The following MYO1B variants were observed in gnomAD, a reference collection of about 807,000 sequenced individuals.
MYO1B encodes the protein myosin IB.
Under a neutral mutation model 159.7 loss-of-function variants are expected in MYO1B, and 72 were observed. That is an observed-to-expected ratio of 0.45 (90% CI 0.37 to 0.55). The LOEUF (loss-of-function observed/expected upper bound fraction) is 0.55, where lower values mean the gene tolerates loss of function less well. MYO1B is among the 20% of genes least tolerant of loss of function. The probability of loss-of-function intolerance (pLI) is 0.00; values close to 1 mark genes in which losing one functional copy is unlikely to be tolerated. For synonymous variants in MYO1B, 468 were observed against 473.8 expected (o/e 0.99, Z 0.16); for missense variants, 1,062 against 1,364.8 (o/e 0.78, Z 3.50).
chr2:191,305,058 A>G (rs899073471), intron 3 of MYO1B, among the ~76,000 whole-genome samples: 1 of 152,228 alleles, frequency 6.6e-6, no homozygotes, highest in Non-Finnish European at 1.5e-5. Flanking sequence ...TTTCATCTGG[A>G]GAAGCAGCAC....
Position 191,251,679 on chromosome 2 carries a change from TA to T in MYO1B, c.-10+6060del, listed in dbSNP as rs529526553. ...TACATTACAGGTTTTTAAATTTGTT[TA>T]AAAAAAGAATGCAATATCTTTAAAG... On this transcript the variant is annotated intron_variant, in intron 1 of 30. Transcript: ENST00000392318. 2.8e-3 allele frequency among the ~76,000 whole-genome samples: 431 copies of T among 152,308 alleles called. 1 individual carries two copies. Among genetic ancestry groups the T allele is most frequent in the Non-Finnish European group, 5.0e-3 (339 of 68,032 alleles).
chr2:191,288,148 A>C (rs1180469667), intron 2 of MYO1B, among the ~76,000 whole-genome samples: 1 of 152,066 alleles, frequency 6.6e-6, no homozygotes, highest in Non-Finnish European at 1.5e-5. Flanking sequence ...GGGTATAGTG[A>C]ATAATGCTGC....
chr2:191,302,227 T>C (rs1973068), intron 3 of MYO1B, among the ~76,000 whole-genome samples: 80,500 of 152,036 alleles, frequency 0.53, 22,065 homozygotes, highest in East Asian at 0.65. Context: ...CACCTCTTCT[T>C]GCTATGGTTG....
At chr2:191,363,896 CTTTG>C (rs759483104) in intron 10 of MYO1B, 21 bp downstream of exon 10, 16 of 1,612,962 alleles carry the variant, frequency 9.9e-6, no homozygotes, top group African/African-American at 5.3e-5. Flanking sequence ...GGAGAATCAA[CTTTG>C]TTTGTTTAGG....
chr2:191,313,464 A>G (rs943131615), intron 3 of MYO1B, among the ~76,000 whole-genome samples: 2 of 151,950 alleles, frequency 1.3e-5, no homozygotes, highest in Non-Finnish European at 2.9e-5. Context: ...GGCTCACTGC[A>G]AGCTCCGCCT....
chr2:191,405,842 A>G (rs1258770116), intron 24 of MYO1B, among the ~76,000 whole-genome samples: 1 of 152,272 alleles, frequency 6.6e-6, no homozygotes, highest in East Asian at 1.9e-4. Flanking sequence ...CCTAAGCTGT[A>G]GGATTTTTAT....
At chr2:191,301,498 A>C (rs1400992859) in intron 3 of MYO1B, among the ~76,000 whole-genome samples, 1 of 152,230 alleles carries the variant, frequency 6.6e-6, no homozygotes, top group Non-Finnish European at 1.5e-5. Context: ...CTCCAAATGC[A>C]GTCAAAATGC....
intron 30 of MYO1B, among the ~76,000 whole-genome samples, chr2:191,419,103 G>A (rs778131810): frequency 6.6e-6 from 1 of 152,180 alleles, no homozygotes; most frequent in African/African-American, 2.4e-5. Context: ...GCTGCTGCTG[G>A]TGTAAACAAA....
chr2:191,390,618 C>T, intron 18 of MYO1B, 126 bp downstream of exon 18: 1 of 1,112,674 alleles, frequency 9.0e-7, no homozygotes, highest in Non-Finnish European at 1.2e-6. Flanking sequence ...CTGTTTTGGA[C>T]CTTCTTCCAT....
In MYO1B at chr2:191,346,253, A is replaced by T; in HGVS notation, c.469A>T (p.Thr157Ser). Residue 157 changes from threonine (T) to serine (S), a missense_variant, in exon 6 of 31, where the codon ACT becomes TCT. Transcript: ENST00000392318. ...PVLEAFGNAK[T>S]VRNDNSSRFG... ...CCTACTAGCTTTTGGAAATGCCAAA[A>T]CTGTAAGGAATGACAACTCCTCTAG... 1 of 1,571,892 alleles carries T rather than the reference A, an allele frequency of 6.4e-7. No homozygotes were observed. Among genetic ancestry groups the T allele is most frequent in the Non-Finnish European group, 8.6e-7 (1 of 1,157,686 alleles).
At chr2:191,400,519 G>T in intron 22 of MYO1B, 51 bp downstream of exon 22, 1 of 1,584,650 alleles carries the variant, frequency 6.3e-7, no homozygotes, top group Non-Finnish European at 8.7e-7. Context: ...ACGTCATGTG[G>T]AACCATGAAC....
chr2:191,395,435 G>A (rs1411755080), intron 20 of MYO1B, among the ~76,000 whole-genome samples: 1 of 152,188 alleles, frequency 6.6e-6, no homozygotes, highest in Non-Finnish European at 1.5e-5. Context: ...TGGTAGCCTG[G>A]GAAGGCATCT....
chr2:191,336,005 A>G lies in MYO1B; in HGVS notation c.347-5456A>G, dbSNP rs527507707. Reference sequence around the variant, plus strand: ...ATGTATTTTTAGGCATTGAACTCACAACTCACTCCCATGAATACAGATGGT... The same window carrying G: ...ATGTATTTTTAGGCATTGAACTCACGACTCACTCCCATGAATACAGATGGT... On this transcript the variant is annotated intron_variant, in intron 4 of 30. Coordinates refer to ENST00000392318, the MANE Select transcript of MYO1B (RefSeq NM_001130158.3). Among the ~76,000 whole-genome samples the G allele has an allele frequency of 3.3e-5, 5 of 152,284 alleles. No homozygotes were observed. The South Asian group carries it at 1.0e-3, about 32-fold the overall frequency.
intron 2 of MYO1B, among the ~76,000 whole-genome samples, chr2:191,282,284 T>C (rs1471802979): frequency 2.6e-5 from 4 of 152,218 alleles, no homozygotes; most frequent in African/African-American, 9.6e-5. Flanking sequence ...GGGGCCTGGC[T>C]TAGCTGAGTC....
At chr2:191,315,189 ATCCACCCATCCATCTT>A (rs1382107764) in intron 3 of MYO1B, among the ~76,000 whole-genome samples, 2 of 151,618 alleles carry the variant, frequency 1.3e-5, no homozygotes, top group Non-Finnish European at 2.9e-5. Flanking sequence ...CCATCCATCC[ATCCACCCATCCATCTT>A]CCCATCCATC....
intron 5 of MYO1B, among the ~76,000 whole-genome samples, chr2:191,343,234 G>A (rs1004052881): frequency 3.9e-5 from 6 of 152,202 alleles, no homozygotes; most frequent in Admixed American, 1.3e-4. Context: ...TAGAAGTAAA[G>A]TCATGGAAGG....
chr2:191,313,213 T>TTTTTTTTTTTTTTTG lies in MYO1B; in HGVS notation c.252-16721_252-16707dup. ...ATGGCTTTTTTTTTTTTTTTTTTTT[T>TTTTTTTTTTTTTTTG]TTTTTTTTTTTTTTGAGACGGAGTT... On this transcript the variant is annotated intron_variant, in intron 3 of 30. Coordinates refer to ENST00000392318, the MANE Select transcript of MYO1B (RefSeq NM_001130158.3). 1.6e-5 allele frequency among the ~76,000 whole-genome samples: 2 copies of TTTTTTTTTTTTTTTG among 125,518 alleles called. 1 individual carries two copies. The highest frequency in any genetic ancestry group is 3.3e-5 in the Non-Finnish European group (2 of 59,784). 82.3% of individuals were successfully genotyped at this position (125,518 alleles called of 152,430 possible). A position where few individuals can be genotyped will look rare whatever the true frequency, so the allele number is the denominator to read the frequency against.
intron 3 of MYO1B, among the ~76,000 whole-genome samples, chr2:191,329,700 G>C (rs1207393614): frequency 6.7e-6 from 1 of 149,296 alleles, no homozygotes; most frequent in Non-Finnish European, 1.5e-5. Flanking sequence ...CATATCATTA[G>C]AGTACAATAA....
At chr2:191,362,844 C>T (rs1243430891) in intron 9 of MYO1B, among the ~76,000 whole-genome samples, 1 of 152,130 alleles carries the variant, frequency 6.6e-6, no homozygotes, top group East Asian at 1.9e-4. Flanking sequence ...TGTTTTCTGT[C>T]TTAATGTGTG....
Sources: allele counts gnomAD v4.1 joint callset (sites outside exome capture counted in the v4.1 genomes callset), GRCh38; gene constraint gnomAD v4.1.1; transcripts MANE v1.5; gene names NCBI Gene and HGNC (gene_info 2026-07-23, HGNC 2026-07-21).